Variants in DNAH9 observed in about 807,000 individuals in gnomAD.
DNAH9 encodes the protein DNAH9 variant protein.
DNAH9 carries 345 observed loss-of-function variants against 471.6 expected under a neutral mutation model. The observed-to-expected ratio is 0.73, with a 90% CI of 0.67 to 0.80. The LOEUF is 0.80. Among genes scored for constraint, DNAH9 ranks in the 30% least tolerant of loss-of-function variants. DNAH9 has a pLI of 0.00. For missense variants in DNAH9, 5,407 were observed against 5,609.2 expected, an observed-to-expected ratio of 0.96 and a Z score of 1.15; for synonymous variants, 2,093 against 2,123.6, an observed-to-expected ratio of 0.99 and a Z score of 0.40.
In DNAH9 at chr17:11,742,268, G is replaced by A. The variant is rs1160367308; in HGVS notation, c.6066G>A (p.Lys2022=). 6.2e-7 allele frequency: 1 copy of A among 1,614,166 alleles called. No homozygotes were observed. The highest frequency in any genetic ancestry group is 2.2e-5 in the East Asian group (1 of 44,874). The change falls in exon 30 of 69, where the codon AAG becomes AAA. Residue 2022 remains lysine, a synonymous_variant. Coordinates refer to ENST00000262442, the MANE Select transcript of DNAH9 (RefSeq NM_001372.4). ...GFIEAQSLAR[K]FITLYQLCKE... is the part of the protein sequence containing the mutation. ...TTGAAGCCCAGTCATTAGCCAGAAAGTTCATCACTCTTTACCAGTTGTGCA... is the reference window on the plus strand; with the variant it reads ...TTGAAGCCCAGTCATTAGCCAGAAAATTCATCACTCTTTACCAGTTGTGCA...
rs963772650 is a variant in DNAH9, at chr17:11,888,189, T to G, written c.11112+1224T>G. 2.0e-5 allele frequency among the ~76,000 whole-genome samples: 3 copies of G among 152,008 alleles called. No individual in the cohort carries two copies. The South Asian group carries it at 6.2e-4, about 32-fold the overall frequency. The stretch of plus-strand genomic sequence containing the variant: ...TTAGTAGAGACGGGGTTTCACTGTG[T>G]TAGCCAGGATGGTCTCGATCTCCGG... On this transcript the variant is annotated intron_variant, in intron 57 of 68. Coordinates refer to ENST00000262442, the MANE Select transcript of DNAH9 (RefSeq NM_001372.4).
At chr17:11,740,869 A>C (rs2075422414) in intron 29 of DNAH9, among the ~76,000 whole-genome samples, 1 of 152,168 alleles carries the variant, frequency 6.6e-6, no homozygotes, top group Admixed American at 6.5e-5. Flanking sequence ...AGGAACAATC[A>C]GTGTAACCAT....
chr17:11,633,325 G>C (rs980331961), intron 8 of DNAH9, among the ~76,000 whole-genome samples: 1 of 152,210 alleles, frequency 6.6e-6, no homozygotes, highest in Non-Finnish European at 1.5e-5. Context: ...GTAGTTGGTA[G>C]AAGTTACAAG....
intron 62 of DNAH9, among the ~76,000 whole-genome samples, chr17:11,929,562 C>T (rs1974438362): frequency 6.6e-6 from 1 of 152,184 alleles, no homozygotes; most frequent in Non-Finnish European, 1.5e-5. Flanking sequence ...AAGAGTTTAA[C>T]TGCAGAATAC....
intron 32 of DNAH9, among the ~76,000 whole-genome samples, chr17:11,751,006 G>A (rs1439751298): frequency 1.3e-5 from 2 of 152,038 alleles, no homozygotes; most frequent in African/African-American, 4.8e-5. Flanking sequence ...TCTATTGTGA[G>A]AGTGATTAAT....
chr17:11,923,848 CT>C lies in DNAH9; in HGVS notation c.11787del (p.His3930ThrfsTer61). The C allele has an allele frequency of 6.2e-7, 1 of 1,614,076 alleles. No individual in the cohort carries two copies. Among genetic ancestry groups the C allele is most frequent in the Non-Finnish European group, 8.5e-7 (1 of 1,179,976 alleles). On this transcript the variant is annotated frameshift_variant, in exon 62 of 69. Coordinates refer to ENST00000262442, the MANE Select transcript of DNAH9 (RefSeq NM_001372.4). LOFTEE classifies it high-confidence loss of function. The stretch of plus-strand genomic sequence containing the variant: ...TTGGATACACCTTCAACAATCAGAA[CT>C]TTCACAACGTGTCTTTGGGGCAAGG... ...KLGYTFNNQNFHNVSLGQGQE... is the reference protein window; with the variant it reads ...KLGYTFNNQNXHNVSLGQGQE...
At chr17:11,763,316 G>A in intron 35 of DNAH9, 124 bp from the exon 36 acceptor site, 1 of 822,370 alleles carries the variant, frequency 1.2e-6, no homozygotes, top group Non-Finnish European at 2.0e-6. Flanking sequence ...CTGGTTGTCT[G>A]TAATCCCAAA....
At position 11,834,618 on chromosome 17, in the gene DNAH9, C is replaced by T; in HGVS notation, c.9247-20C>T. 3.7e-6 allele frequency: 6 copies of T among 1,613,236 alleles called. No homozygotes were observed. Among genetic ancestry groups the T allele is most frequent in the South Asian group, 1.1e-5 (1 of 90,908 alleles). On this transcript the variant is annotated intron_variant, in intron 48 of 68. Coordinates refer to ENST00000262442, the MANE Select transcript of DNAH9 (RefSeq NM_001372.4). ...CCTCCAGTCACAACTCCTGATAAGT[C>T]CCGTGCTTCTCCAATGCAGGTGGAT... is the stretch of plus-strand genomic sequence containing the variant.
intron 52 of DNAH9, among the ~76,000 whole-genome samples, chr17:11,874,382 G>A (rs1201702024): frequency 3.9e-5 from 6 of 152,332 alleles, no homozygotes; most frequent in African/African-American, 1.2e-4. Context: ...ATACTCGGCA[G>A]CTTCCCCACA....
chr17:11,677,737 A>G (rs546193921), intron 17 of DNAH9, among the ~76,000 whole-genome samples: 4 of 151,280 alleles, frequency 2.6e-5, no homozygotes, highest in African/African-American at 9.7e-5. Context: ...TTGGGGTATA[A>G]TTTTTCATGT....
chr17:11,610,769 C>T (rs1376581798), intron 3 of DNAH9, among the ~76,000 whole-genome samples: 1 of 152,186 alleles, frequency 6.6e-6, no homozygotes, highest in East Asian at 1.9e-4. Context: ...AATCATTTTT[C>T]CTTTCCTGGG....
chr17:11,762,213 G>A (rs761024073), intron 35 of DNAH9, among the ~76,000 whole-genome samples: 6 of 152,236 alleles, frequency 3.9e-5, no homozygotes, highest in Non-Finnish European at 7.3e-5. Context: ...ATGGCGTGCT[G>A]TGCAGCTCTC....
chr17:11,601,272 G>A (rs1339697357), intron 1 of DNAH9, among the ~76,000 whole-genome samples: 1 of 145,264 alleles, frequency 6.9e-6, no homozygotes, highest in Non-Finnish European at 1.5e-5. Flanking sequence ...ATTTTTTAAA[G>A]AAGTGCAGAA....
chr17:11,702,521 C>A (rs2074618988), intron 24 of DNAH9, among the ~76,000 whole-genome samples: 1 of 152,062 alleles, frequency 6.6e-6, no homozygotes, highest in Non-Finnish European at 1.5e-5. Context: ...AATTCTTGAG[C>A]ATCATTCAGA....
chr17:11,764,763 A>G (rs1321425492), intron 36 of DNAH9, among the ~76,000 whole-genome samples: 1 of 152,192 alleles, frequency 6.6e-6, no homozygotes, highest in Non-Finnish European at 1.5e-5. Context: ...TGTTCTTAGC[A>G]CAAAACAACA....
At chr17:11,856,426 G>A (rs548500559) in intron 50 of DNAH9, among the ~76,000 whole-genome samples, 27 of 152,178 alleles carry the variant, frequency 1.8e-4, no homozygotes, top group Admixed American at 1.4e-3. Context: ...TGGGCCGGGT[G>A]CAGTGGCTCA....
At chr17:11,894,162 A>G (rs1373080309) in intron 58 of DNAH9, among the ~76,000 whole-genome samples, 1 of 152,192 alleles carries the variant, frequency 6.6e-6, no homozygotes, top group Admixed American at 6.5e-5. Context: ...TGTGCAGTTC[A>G]GTCACTCTCA....
chr17:11,926,668 T>C (rs1371869747), intron 62 of DNAH9, among the ~76,000 whole-genome samples: 1 of 152,200 alleles, frequency 6.6e-6, no homozygotes, highest in Non-Finnish European at 1.5e-5. Flanking sequence ...TGATGAGCAG[T>C]TGGGTTGATT....
chr17:11,831,659 C>A (rs9906499), intron 48 of DNAH9, among the ~76,000 whole-genome samples: 3,506 of 152,226 alleles, frequency 0.023, 104 homozygotes, highest in East Asian at 0.16. Context: ...TCCCCAAATC[C>A]TAGAGCTGCC....
Sources: allele counts gnomAD v4.1 joint callset (sites outside exome capture counted in the v4.1 genomes callset), GRCh38; gene constraint gnomAD v4.1.1; transcripts MANE v1.5; gene names NCBI Gene and HGNC (gene_info 2026-07-23, HGNC 2026-07-21).